MAF: variants seen among roughly 807,000 people sequenced by gnomAD.
The protein encoded by MAF is MAF bZIP transcription factor.
Under a neutral mutation model 22.0 loss-of-function variants are expected in MAF, and 10 were observed. The ratio of observed to expected loss-of-function variants is 0.45; its 90% CI spans 0.28 to 0.77. MAF has a LOEUF of 0.77. Ranked by LOEUF, MAF falls within the 30% of genes least tolerant of loss-of-function variation. The pLI is 0.12. For missense variants in MAF, 544 were observed against 548.4 expected (o/e 0.99, Z 0.08); for synonymous variants, 337 against 255.8 (o/e 1.32, Z -3.03).
chr16:79,394,150 C>A, the MAF span, among the ~76,000 whole-genome samples: 2 of 152,170 alleles, frequency 1.3e-5, no homozygotes, highest in South Asian at 4.2e-4. Flanking sequence ...AATCAAAAGT[C>A]CAGAGAGAAG....
the MAF span, among the ~76,000 whole-genome samples, chr16:79,227,902 AC>A: frequency 6.6e-6 from 1 of 152,046 alleles, no homozygotes; most frequent in Admixed American, 6.6e-5. Flanking sequence ...TGAGAATAAT[AC>A]CTTTTCAGAA....
At chr16:79,218,209 T>G in the MAF span, among the ~76,000 whole-genome samples, 1 of 151,890 alleles carries the variant, frequency 6.6e-6, no homozygotes, top group Non-Finnish European at 1.5e-5. Context: ...TTCATGGTAT[T>G]TGGCTTCATG....
the MAF span, among the ~76,000 whole-genome samples, chr16:79,318,387 G>T: frequency 1.3e-5 from 2 of 152,084 alleles, no homozygotes; most frequent in African/African-American, 4.8e-5. Flanking sequence ...ACTTCTGCAG[G>T]GTACATGAGC....
the MAF span, among the ~76,000 whole-genome samples, chr16:79,321,585 G>A: frequency 1.3e-5 from 2 of 151,944 alleles, no homozygotes; most frequent in South Asian, 2.1e-4. Flanking sequence ...CATCACCAGA[G>A]GCACAGAATC....
At chr16:79,413,955 C>A in the MAF span, among the ~76,000 whole-genome samples, 1 of 152,166 alleles carries the variant, frequency 6.6e-6, no homozygotes, top group Non-Finnish European at 1.5e-5. Context: ...TTGGGGCCAA[C>A]ACACCTGAGT....
At chr16:79,441,662 G>T in the MAF span, among the ~76,000 whole-genome samples, 1 of 152,212 alleles carries the variant, frequency 6.6e-6, no homozygotes, top group South Asian at 2.1e-4. Flanking sequence ...ACAGTGGCCT[G>T]CCCTGGCTCA....
the MAF span, among the ~76,000 whole-genome samples, chr16:79,274,421 T>G: frequency 6.6e-6 from 1 of 152,092 alleles, no homozygotes; most frequent in African/African-American, 2.4e-5. Flanking sequence ...GCCCAGCCAT[T>G]TGCATTTTAA....
chr16:79,451,781 T>C, the MAF span, among the ~76,000 whole-genome samples: 2 of 152,344 alleles, frequency 1.3e-5, no homozygotes, highest in Admixed American at 1.3e-4. Context: ...CTAAAGCTTC[T>C]TTCAGAGTTC....
chr16:79,271,353 A>T, the MAF span, among the ~76,000 whole-genome samples: 2 of 152,250 alleles, frequency 1.3e-5, no homozygotes, highest in East Asian at 3.9e-4. Flanking sequence ...CAGCCTCCCA[A>T]TGTATGTAAA....
At chr16:79,256,864 A>AC in the MAF span, among the ~76,000 whole-genome samples, 745 of 151,232 alleles carry the variant, frequency 4.9e-3, 4 homozygotes, top group African/African-American at 0.014. Flanking sequence ...ACACGCACAC[A>AC]AACACACACA....
the MAF span, among the ~76,000 whole-genome samples, chr16:79,269,020 T>C: frequency 6.6e-6 from 1 of 152,246 alleles, no homozygotes; most frequent in African/African-American, 2.4e-5. Flanking sequence ...GTTTTGATAT[T>C]TGCTAGTTTC....
At chr16:79,532,965 A>C in the MAF span, among the ~76,000 whole-genome samples, 16 of 152,204 alleles carry the variant, frequency 1.1e-4, no homozygotes, top group Non-Finnish European at 8.8e-5. Flanking sequence ...CCGACATCTG[A>C]CCTGCTTCAC....
the MAF span, among the ~76,000 whole-genome samples, chr16:79,565,499 C>T: frequency 7.1e-6 from 1 of 140,622 alleles, no homozygotes; most frequent in South Asian, 2.2e-4. Context: ...ACAATCTTCA[C>T]GTGTTGTGGG....
At chr16:79,511,542 G>C in the MAF span, among the ~76,000 whole-genome samples, 2 of 152,216 alleles carry the variant, frequency 1.3e-5, no homozygotes, top group Non-Finnish European at 2.9e-5. Flanking sequence ...GGGAGACGTA[G>C]AATGCATTTA....
chr16:79,311,967 G>C, the MAF span, among the ~76,000 whole-genome samples: 2 of 152,146 alleles, frequency 1.3e-5, no homozygotes, highest in African/African-American at 4.8e-5. Context: ...GGAGGGCTTG[G>C]GAGGGGGAGT....
At chr16:79,472,845 A>G in the MAF span, among the ~76,000 whole-genome samples, 2 of 152,012 alleles carry the variant, frequency 1.3e-5, no homozygotes, top group South Asian at 2.1e-4. Context: ...AAACCCTGCC[A>G]TGGAGAGGGA....
At chr16:79,571,530 ATTTTT>A in the MAF span, among the ~76,000 whole-genome samples, 11 of 103,878 alleles carry the variant, frequency 1.1e-4, 1 homozygote, top group Admixed American at 3.3e-4. Flanking sequence ...TCTCAGCGGA[ATTTTT>A]TTTTTTTTTT....
chr16:79,398,847 A>G, the MAF span, among the ~76,000 whole-genome samples: 13 of 152,192 alleles, frequency 8.5e-5, no homozygotes, highest in Admixed American at 2.6e-4. Flanking sequence ...CAGTTGAGCT[A>G]GGCCAGGCAT....
the MAF span, among the ~76,000 whole-genome samples, chr16:79,444,345 C>T: frequency 4.2e-4 from 64 of 152,150 alleles, 1 homozygote; most frequent in Admixed American, 3.4e-3. Context: ...ACAATGCATA[C>T]GTATTATTTT....
Sources: gnomAD v4.1 joint callset for allele counts (sites outside exome capture counted in the v4.1 genomes callset) on GRCh38, gnomAD v4.1.1 for gene constraint, MANE v1.5 for transcripts, NCBI Gene and HGNC (gene_info 2026-07-23, HGNC 2026-07-21) for gene names.